The following MS4A18 variants were observed in gnomAD, a reference collection of about 807,000 sequenced individuals.
The protein encoded by MS4A18 is membrane spanning 4-domains A18.
In MS4A18, 27 loss-of-function variants were observed where a neutral mutation model predicts 13.1. The ratio of observed to expected loss-of-function variants is 2.06; its 90% CI spans 1.52 to 2.84. The LOEUF is 2.84. MS4A18 is among the 30% of genes most tolerant of loss of function. The pLI, the probability that MS4A18 is intolerant of heterozygous loss-of-function variation, is 0.00. For missense variants in MS4A18, 307 were observed against 196.4 expected, an observed-to-expected ratio of 1.56 and a Z score of -3.37; for synonymous variants, 126 against 76.5, an observed-to-expected ratio of 1.65 and a Z score of -3.38.
chr11:60,733,064 G>A (rs936195923), intron 1 of MS4A18, among the ~76,000 whole-genome samples: 5 of 152,220 alleles, frequency 3.3e-5, no homozygotes, highest in African/African-American at 9.7e-5. Flanking sequence ...TTAACATCAC[G>A]TGTAGGAATG....
chr11:60,738,734 A>G lies in MS4A18; in HGVS notation c.649-168A>G, dbSNP rs76526352. ...AATAAAAGTTAAAAAAAAAAAAGCA[A>G]TGATTTTTCTCACCTCACTATCGCT... On this transcript the variant is annotated intron_variant, in intron 3 of 5. Transcript: ENST00000529108. Among the ~76,000 whole-genome samples, 1,460 of 152,084 alleles carry G rather than the reference A, an allele frequency of 9.6e-3. 16 individuals carry two copies. Among genetic ancestry groups the G allele is most frequent in the East Asian group, 0.053 (272 of 5,172 alleles).
chr11:60,725,538 C>A (rs1853141965), upstream of MS4A18, among the ~76,000 whole-genome samples: 1 of 152,130 alleles, frequency 6.6e-6, no homozygotes, highest in Admixed American at 6.5e-5. Flanking sequence ...GTCCCAGGAA[C>A]ATCCCTCATA....
chr11:60,735,661 CTTTTTTT>C, intron 2 of MS4A18, among the ~76,000 whole-genome samples: 1 of 90,110 alleles, frequency 1.1e-5, no homozygotes, highest in South Asian at 4.1e-4. Context: ...CATTCCCTTG[CTTTTTTT>C]TTTTTTTTTT....
upstream of MS4A18, among the ~76,000 whole-genome samples, chr11:60,727,828 C>A (rs187646861): frequency 2.6e-5 from 4 of 152,182 alleles, no homozygotes; most frequent in Non-Finnish European, 4.4e-5. Context: ...GGGCTACATG[C>A]CTACCTCCTC....
chr11:60,741,666 A>G (rs1853416714), intron 5 of MS4A18, among the ~76,000 whole-genome samples: 1 of 152,200 alleles, frequency 6.6e-6, no homozygotes, highest in Admixed American at 6.5e-5. Flanking sequence ...AAGAGGAGCT[A>G]CAAAGTCACC....
chr11:60,744,072 C>T, exon 6 of MS4A18: 1 of 646,678 alleles, frequency 1.5e-6, no homozygotes, highest in Non-Finnish European at 2.8e-6. Context: ...ATCTTTTCTT[C>T]TCCCTGAAAC....
chr11:60,727,406 T>G (rs1393890700), upstream of MS4A18, among the ~76,000 whole-genome samples: 3 of 152,220 alleles, frequency 2.0e-5, no homozygotes, highest in Non-Finnish European at 4.4e-5. Context: ...ATGAAGGAAC[T>G]GAGAAGTGGA....
chr11:60,740,697 A>T (rs1157572229), intron 4 of MS4A18, among the ~76,000 whole-genome samples: 1 of 152,178 alleles, frequency 6.6e-6, no homozygotes, highest in Non-Finnish European at 1.5e-5. Context: ...GTATTTATAC[A>T]CCAGCCCCTG....
exon 4 of MS4A18, chr11:60,738,979 G>A: frequency 1.0e-5 from 7 of 703,112 alleles, no homozygotes; most frequent in Non-Finnish European, 1.8e-5. Context: ...TTACAGATCT[G>A]AGCCTTTACT....
At chr11:60,727,499 A>G (rs577333865), upstream of MS4A18, among the ~76,000 whole-genome samples, 5 of 152,172 alleles carry the variant, frequency 3.3e-5, no homozygotes, top group Non-Finnish European at 5.9e-5. Flanking sequence ...AATAATGCCA[A>G]TTCATCAGCT....
chr11:60,743,102 T>A lies in MS4A18; in HGVS notation c.859-548T>A, dbSNP rs146858635. On this transcript the variant is annotated intron_variant, in intron 5 of 5. Transcript: ENST00000529108. ...ACCTGCCACCTAGTCCCAAACCCAA[T>A]GCATGTGTTGGATTATTGTTATCTT... Among the ~76,000 whole-genome samples the A allele has an allele frequency of 1.4e-4, 21 of 152,360 alleles. 1 individual carries two copies. In the East Asian group the frequency reaches 4.0e-3, roughly 29 times the overall value.
intron 3 of MS4A18, 46 bp downstream of exon 4, chr11:60,737,080 G>A (rs1292029834): frequency 1.4e-6 from 1 of 697,984 alleles, no homozygotes; most frequent in African/African-American, 1.8e-5. Flanking sequence ...GTTAGAATTT[G>A]ACTCTCTACC....
chr11:60,729,486 A>C (rs780089138), exon 1 of MS4A18: 1 of 702,844 alleles, frequency 1.4e-6, no homozygotes, highest in South Asian at 1.5e-5. Context: ...CAGGAAGAGC[A>C]AACTTACAGA....
intron 2 of MS4A18, among the ~76,000 whole-genome samples, chr11:60,736,286 T>C (rs1424949306): frequency 6.7e-6 from 1 of 149,074 alleles, no homozygotes; most frequent in African/African-American, 2.5e-5. Context: ...ATGAAGAGAC[T>C]GAAGCTCAAG....
chr11:60,732,553 C>G (rs1213951570), intron 1 of MS4A18, among the ~76,000 whole-genome samples: 1 of 151,716 alleles, frequency 6.6e-6, no homozygotes, highest in Non-Finnish European at 1.5e-5. Flanking sequence ...CATGGTAAAC[C>G]CCATCTCTAC....
At chr11:60,730,677 C>A (rs1853241136) in intron 1 of MS4A18, among the ~76,000 whole-genome samples, 1 of 152,190 alleles carries the variant, frequency 6.6e-6, no homozygotes, top group Non-Finnish European at 1.5e-5. Flanking sequence ...GAAGGGGACC[C>A]ATTCCTCCTT....
At chr11:60,740,975 C>T (rs1853405828) in intron 4 of MS4A18, 55 bp from the exon 6 acceptor site, 1 of 702,200 alleles carries the variant, frequency 1.4e-6, no homozygotes, top group Non-Finnish European at 2.6e-6. Context: ...TGTGGACTGT[C>T]ACCTAGGCCA....
chr11:60,729,761 T>C (rs1417645696), exon 1 of MS4A18: 1 of 701,696 alleles, frequency 1.4e-6, no homozygotes, highest in East Asian at 2.7e-5. Flanking sequence ...AAGAAATTCA[T>C]AAATGAGGAG....
intron 1 of MS4A18, among the ~76,000 whole-genome samples, chr11:60,731,938 A>G (rs1314067128): frequency 6.6e-6 from 1 of 152,168 alleles, no homozygotes; most frequent in East Asian, 1.9e-4. Flanking sequence ...CTAAATGGGA[A>G]CAGGGTTCAT....
Sources: allele counts gnomAD v4.1 joint callset (sites outside exome capture counted in the v4.1 genomes callset), GRCh38; gene constraint gnomAD v4.1.1; transcripts MANE v1.5; gene names NCBI Gene and HGNC (gene_info 2026-07-23, HGNC 2026-07-21).